Variants in PDE4D observed in about 807,000 individuals in gnomAD.
PDE4D encodes the protein phosphodiesterase 4D.
PDE4D carries 24 observed loss-of-function variants against 87.4 expected under a neutral mutation model. The observed-to-expected ratio is 0.27, with a 90% confidence interval of 0.20 to 0.39. PDE4D has a LOEUF of 0.39. Among genes scored for constraint, PDE4D ranks in the 10% least tolerant of loss-of-function variants. The probability of loss-of-function intolerance (pLI) is 1.00; values close to 1 mark genes in which losing one functional copy is unlikely to be tolerated. For missense variants in PDE4D, 714 were observed against 1,041.0 expected (o/e 0.69, Z 4.32); for synonymous variants, 384 against 383.2 (o/e 1.00, Z -0.02).
chr5:59,453,341 G>A (rs920130273), intron 1 of PDE4D, among the ~76,000 whole-genome samples: 4 of 152,138 alleles, frequency 2.6e-5, no homozygotes, highest in Non-Finnish European at 5.9e-5. Context: ...TTCAAGTGAG[G>A]TGAAGAGCAG....
At chr5:60,473,822 C>T (rs1328913357) in intron 1 of PDE4D, among the ~76,000 whole-genome samples, 1 of 151,726 alleles carries the variant, frequency 6.6e-6, no homozygotes, top group Non-Finnish European at 1.5e-5. Context: ...CACTCTACAC[C>T]CTCCCCACTG....
At chr5:59,834,646 C>T (rs961217584) in intron 1 of PDE4D, among the ~76,000 whole-genome samples, 2 of 152,026 alleles carry the variant, frequency 1.3e-5, no homozygotes, top group Non-Finnish European at 2.9e-5. Context: ...GCTCTTTGAT[C>T]GTACTCTTTA....
chr5:59,117,421 C>G (rs1427070262), intron 5 of PDE4D, among the ~76,000 whole-genome samples: 3 of 152,082 alleles, frequency 2.0e-5, no homozygotes, highest in Non-Finnish European at 2.9e-5. Flanking sequence ...TACCTGGACC[C>G]TCCACTACAG....
At chr5:59,211,575 T>C (rs1336126984) in intron 2 of PDE4D, among the ~76,000 whole-genome samples, 1 of 152,164 alleles carries the variant, frequency 6.6e-6, no homozygotes, top group East Asian at 1.9e-4. Context: ...TATGTGCTCC[T>C]AGAAATAATC....
At position 60,316,203 on chromosome 5, in the gene PDE4D, G is replaced by T. The variant is rs148914859; in HGVS notation, c.-89-130516C>A. Among the ~76,000 whole-genome samples, 1,830 of 152,114 alleles carry T rather than the reference G, an allele frequency of 0.012. 61 individuals carry two copies. The East Asian group carries it at 0.13, about 11-fold the overall frequency. On this transcript the variant is annotated intron_variant, in intron 1 of 16. Transcript: ENST00000502484. ...AGTTCTCCTTGAAGAGGTCCTTCAC[G>T]TCCCTTGTATGTTGGATTCCTAGAT...
At chr5:60,201,417 T>C (rs1183678026) in intron 1 of PDE4D, among the ~76,000 whole-genome samples, 1 of 152,022 alleles carries the variant, frequency 6.6e-6, no homozygotes, top group Non-Finnish European at 1.5e-5. Flanking sequence ...AGAAATGAAC[T>C]ACAAAACTTC....
chr5:59,173,820 A>G (rs1402446340), intron 5 of PDE4D, among the ~76,000 whole-genome samples: 1 of 149,270 alleles, frequency 6.7e-6, no homozygotes, highest in Admixed American at 6.7e-5. Flanking sequence ...GACACAACAC[A>G]TGTTTTACTT....
At chr5:60,084,415 CGT>C (rs887088477) in intron 2 of PDE4D, among the ~76,000 whole-genome samples, 2 of 151,476 alleles carry the variant, frequency 1.3e-5, no homozygotes, top group African/African-American at 2.4e-5. Flanking sequence ...TGCGCGCGCG[CGT>C]GTGCGCATGC....
At chr5:59,797,808 T>TATG (rs1766661594) in intron 1 of PDE4D, among the ~76,000 whole-genome samples, 1 of 152,068 alleles carries the variant, frequency 6.6e-6, no homozygotes, top group Non-Finnish European at 1.5e-5. Flanking sequence ...CACTTTTCAT[T>TATG]ATTATTATTA....
At chr5:59,651,263 A>G (rs1296505537) in intron 1 of PDE4D, among the ~76,000 whole-genome samples, 1 of 101,770 alleles carries the variant, frequency 9.8e-6, no homozygotes, top group African/African-American at 4.3e-5. Flanking sequence ...CTCAACAATA[A>G]TAATAATAAT....
intron 1 of PDE4D, among the ~76,000 whole-genome samples, chr5:59,302,759 C>T (rs1770521614): frequency 6.6e-6 from 1 of 152,086 alleles, no homozygotes; most frequent in Admixed American, 6.6e-5. Context: ...ATCTGTACAC[C>T]ACAGTTTCTT....
intron 5 of PDE4D, among the ~76,000 whole-genome samples, chr5:59,082,250 A>G (rs1345382876): frequency 6.6e-6 from 1 of 152,212 alleles, no homozygotes; most frequent in Non-Finnish European, 1.5e-5. Context: ...ATGGTAATGA[A>G]TAGCTTTTCT....
chr5:59,492,031 A>C (rs921942), intron 1 of PDE4D, among the ~76,000 whole-genome samples: 80,793 of 151,960 alleles, frequency 0.53, 22,613 homozygotes, highest in African/African-American at 0.69. Flanking sequence ...CCAAAGAGAG[A>C]GAAATCTACT....
chr5:60,460,907 C>T (rs1292003255), intron 1 of PDE4D, among the ~76,000 whole-genome samples: 2 of 151,700 alleles, frequency 1.3e-5, no homozygotes, highest in African/African-American at 4.8e-5. Context: ...CATAAATGTC[C>T]ATTCTTAATT....
At chr5:59,191,295 T>C (rs1470537717) in intron 3 of PDE4D, among the ~76,000 whole-genome samples, 1 of 152,098 alleles carries the variant, frequency 6.6e-6, no homozygotes, top group Non-Finnish European at 1.5e-5. Flanking sequence ...TCAAGTCCAA[T>C]TTACTAATCT....
At chr5:60,091,147 C>A (rs1329654099) in intron 2 of PDE4D, among the ~76,000 whole-genome samples, 1 of 152,100 alleles carries the variant, frequency 6.6e-6, no homozygotes, top group Admixed American at 6.6e-5. Flanking sequence ...CAAAACTAGA[C>A]AATGGAATTA....
intron 5 of PDE4D, among the ~76,000 whole-genome samples, chr5:59,089,977 C>T (rs573473252): frequency 6.6e-6 from 1 of 152,164 alleles, no homozygotes; most frequent in South Asian, 2.1e-4. Context: ...CATTTTGTTG[C>T]TAAACCTAAG....
At chr5:59,054,347 T>A (rs1173228998) in intron 5 of PDE4D, among the ~76,000 whole-genome samples, 1 of 152,208 alleles carries the variant, frequency 6.6e-6, no homozygotes, top group African/African-American at 2.4e-5. Context: ...TTATATTTTA[T>A]ACTATAACCT....
At chr5:59,256,520 C>CA (rs2153532684) in intron 1 of PDE4D, among the ~76,000 whole-genome samples, 1 of 152,088 alleles carries the variant, frequency 6.6e-6, no homozygotes, top group African/African-American at 2.4e-5. Context: ...CCAATTATAC[C>CA]ATTTGAATTT....
Sources: allele counts gnomAD v4.1 joint callset (sites outside exome capture counted in the v4.1 genomes callset), GRCh38; gene constraint gnomAD v4.1.1; transcripts MANE v1.5; gene names NCBI Gene and HGNC (gene_info 2026-07-23, HGNC 2026-07-21).